POLR1D: variants seen among roughly 807,000 people sequenced by gnomAD.
POLR1D encodes DNA-directed RNA polymerases I and III subunit RPAC2.
In POLR1D, 8 loss-of-function variants were observed where a neutral mutation model predicts 10.8. That is an observed-to-expected ratio of 0.74 (90% CI 0.43 to 1.33). POLR1D has a LOEUF of 1.33. Ranked by LOEUF, POLR1D falls within the 40% of genes most tolerant of loss-of-function variation. The pLI is 0.01. For synonymous variants in POLR1D, 54 were observed against 57.2 expected, an observed-to-expected ratio of 0.94 and a Z score of 0.25; for missense variants, 152 against 161.7, an observed-to-expected ratio of 0.94 and a Z score of 0.32.
intron 2 of POLR1D, among the ~76,000 whole-genome samples, chr13:27,662,545 T>C (rs1956374673): frequency 2.6e-5 from 4 of 152,234 alleles, no homozygotes; most frequent in Admixed American, 2.0e-4. Flanking sequence ...TTTTAAATTT[T>C]GGAATTAGGG....
chr13:27,650,396 A>G lies in POLR1D; in HGVS notation c.101+1943A>G, dbSNP rs141283846. 770 of 226,294 alleles carry G rather than the reference A, an allele frequency of 3.4e-3. 4 individuals carry two copies. The highest frequency in any genetic ancestry group is 0.016 in the African/African-American group (709 of 44,680). The allele number at this position is 226,294 out of a possible 1,614,324, so 14.0% of individuals were successfully genotyped here. On this transcript the variant is annotated intron_variant, in intron 2 of 2. Coordinates refer to the POLR1D transcript ENST00000399697. Reference sequence around the variant, plus strand: ...GATTGATGGATGGATGGATGGATGGATGGATTACATGACTGATCTCAGTTT... The same window carrying G: ...GATTGATGGATGGATGGATGGATGGGTGGATTACATGACTGATCTCAGTTT...
intron 1 of POLR1D, chr13:27,648,237 G>A: frequency 1.6e-6 from 1 of 607,308 alleles, no homozygotes; most frequent in East Asian, 3.1e-5. Flanking sequence ...GTTCAAAATT[G>A]TCAACCATTT....
chr13:27,644,289 A>G (rs1358184742), intron 1 of POLR1D, among the ~76,000 whole-genome samples: 1 of 152,218 alleles, frequency 6.6e-6, no homozygotes, highest in African/African-American at 2.4e-5. Context: ...GGAACAGTTA[A>G]CCCTCAGTTG....
chr13:27,627,730 T>TG (rs1342345702), downstream of POLR1D, among the ~76,000 whole-genome samples: 4 of 111,870 alleles, frequency 3.6e-5, no homozygotes, highest in Admixed American at 1.0e-4. Context: ...AGTTTTAGTT[T>TG]TTTTTTTTTT....
At chr13:27,648,388 A>T (rs777776296) in exon 2 of POLR1D, 2 of 1,604,520 alleles carry the variant, frequency 1.2e-6, no homozygotes, top group Non-Finnish European at 1.7e-6. Flanking sequence ...GGAAAGCAAT[A>T]GAAGAACTGC....
upstream of POLR1D, chr13:27,621,822 G>C: frequency 1.5e-6 from 1 of 687,820 alleles, no homozygotes; most frequent in Non-Finnish European, 2.5e-6. Flanking sequence ...CCCGCCCCGC[G>C]GCTGGGCCCT....
chr13:27,654,400 A>C (rs1473975679), intron 2 of POLR1D, among the ~76,000 whole-genome samples: 2 of 152,240 alleles, frequency 1.3e-5, no homozygotes, highest in Non-Finnish European at 2.9e-5. Context: ...TTTTAAAATC[A>C]CATTTGTAAA....
chr13:27,659,906 G>GTATATATATATATATA (rs142807905), intron 2 of POLR1D, among the ~76,000 whole-genome samples: 4 of 145,108 alleles, frequency 2.8e-5, no homozygotes, highest in African/African-American at 1.1e-4. Context: ...TATCTCAGGT[G>GTATATATATATATATA]TATATATATA....
intron 1 of POLR1D, among the ~76,000 whole-genome samples, chr13:27,628,601 C>A (rs941946356): frequency 6.6e-6 from 1 of 152,096 alleles, no homozygotes; most frequent in African/African-American, 2.4e-5. Flanking sequence ...AATTATGAAC[C>A]TTTCTAGAGG....
chr13:27,625,523 T>G (rs1169685056), downstream of POLR1D, among the ~76,000 whole-genome samples: 1 of 150,766 alleles, frequency 6.6e-6, no homozygotes, highest in Non-Finnish European at 1.5e-5. Context: ...GATTGGGAGG[T>G]GGAAAAGATG....
intron 2 of POLR1D, among the ~76,000 whole-genome samples, chr13:27,659,906 G>A (rs1007967500): frequency 1.4e-5 from 2 of 145,110 alleles, no homozygotes; most frequent in African/African-American, 2.6e-5. Flanking sequence ...TATCTCAGGT[G>A]TATATATATA....
rs947552151 is a variant in POLR1D at position 27,621,915 on chromosome 13, C to G, written c.-69C>G. 3.3e-6 allele frequency: 5 copies of G among 1,518,074 alleles called. No homozygotes were observed. The highest frequency in any genetic ancestry group is 4.5e-6 in the Non-Finnish European group (5 of 1,112,538). The allele number at this position is 1,518,074 out of a possible 1,614,324, so 94.0% of individuals were successfully genotyped here. A position where few individuals can be genotyped will look rare whatever the true frequency, so the allele number is the denominator to read the frequency against. On this transcript the variant is annotated 5_prime_UTR_variant, in exon 1 of 2. Coordinates refer to ENST00000302979, the MANE Select transcript of POLR1D (RefSeq NM_015972.4). ...GTCCTTGCTTCCTGCTTCGCCTCCG[C>G]GCCTCGCGCTATGGGACAGAGCCCC...
In POLR1D at chr13:27,623,299, C is replaced by T. The variant is rs7097; in HGVS notation, c.*49C>T. 618,478 of 1,609,720 alleles carry T rather than the reference C, an allele frequency of 0.38. 124,111 individuals are homozygous for T. Among genetic ancestry groups the T allele is most frequent in the Admixed American group, 0.54 (32,063 of 59,754 alleles). The stretch of plus-strand genomic sequence containing the variant: ...AACTGTCCTGTAGGATATTCTCTTC[C>T]TGATGGTGCAGAACCCAGAATTAGA... On this transcript the variant is annotated 3_prime_UTR_variant, in exon 2 of 2. Coordinates refer to ENST00000302979, the MANE Select transcript of POLR1D (RefSeq NM_015972.4).
At chr13:27,633,061 C>T (rs1956089517) in intron 1 of POLR1D, among the ~76,000 whole-genome samples, 1 of 152,116 alleles carries the variant, frequency 6.6e-6, no homozygotes, top group African/African-American at 2.4e-5. Flanking sequence ...AGAGACTGGG[C>T]CTGTCCAGGA....
chr13:27,622,282 GGCCTCTGCTCCTGAGGACGGTACTCGT>G (rs1369302137), intron 1 of POLR1D: 1 of 565,916 alleles, frequency 1.8e-6, no homozygotes, highest in African/African-American at 1.9e-5. Flanking sequence ...TCACGCCCCG[GGCCTCTGCTCCTGAGGACGGTACTCGT>G]GCCTCTGTCC....
chr13:27,652,531 C>CCA (rs1238064480), intron 2 of POLR1D, among the ~76,000 whole-genome samples: 12 of 152,286 alleles, frequency 7.9e-5, no homozygotes, highest in African/African-American at 2.9e-4. Context: ...GACACTGAGT[C>CCA]CACATTTCAG....
downstream of POLR1D, among the ~76,000 whole-genome samples, chr13:27,624,895 T>C (rs925541439): frequency 5.3e-5 from 8 of 152,018 alleles, no homozygotes; most frequent in Non-Finnish European, 7.4e-5. Context: ...CTCAAAAAAA[T>C]ATATAAAATT....
At chr13:27,666,172 C>T (rs1956416803) in exon 3 of POLR1D, 1 of 572,350 alleles carries the variant, frequency 1.7e-6, no homozygotes, top group South Asian at 2.4e-5. Context: ...GTTTAAGCTA[C>T]TTCTGCAGTG....
At chr13:27,659,029 C>CT (rs1164978920) in intron 2 of POLR1D, among the ~76,000 whole-genome samples, 2 of 151,940 alleles carry the variant, frequency 1.3e-5, no homozygotes, top group South Asian at 2.1e-4. Context: ...AGGGGAATGA[C>CT]TTTTTTTTAT....
Sources: allele counts gnomAD v4.1 joint callset (sites outside exome capture counted in the v4.1 genomes callset), GRCh38; gene constraint gnomAD v4.1.1; transcripts MANE v1.5; gene names NCBI Gene and HGNC (gene_info 2026-07-23, HGNC 2026-07-21).